ZNF644: variants seen among roughly 807,000 people sequenced by gnomAD.
ZNF644 encodes zinc finger motif enhancer binding protein 2.
In ZNF644, 20 loss-of-function variants were observed where a neutral mutation model predicts 108.0. The ratio of observed to expected loss-of-function variants is 0.19; its 90% confidence interval spans 0.13 to 0.27. The LOEUF is 0.27. Ranked by LOEUF, ZNF644 falls within the 10% of genes least tolerant of loss-of-function variation. ZNF644 has a pLI of 1.00. For missense variants in ZNF644, 1,338 were observed against 1,548.9 expected, an observed-to-expected ratio of 0.86 and a Z score of 2.29; for synonymous variants, 542 against 539.1, an observed-to-expected ratio of 1.01 and a Z score of -0.08.
intron 2 of ZNF644, among the ~76,000 whole-genome samples, chr1:90,942,618 T>C (rs1258042147): frequency 6.6e-6 from 1 of 152,158 alleles, no homozygotes; most frequent in Non-Finnish European, 1.5e-5. Context: ...AAGTAAAAGT[T>C]CCTAAAGTGT....
chr1:91,010,850 G>T lies in ZNF644; in HGVS notation c.-18+11140C>A, dbSNP rs188732393. Among the ~76,000 whole-genome samples the T allele has an allele frequency of 4.3e-3, 647 of 152,146 alleles. 7 individuals are homozygous for T. The highest frequency in any genetic ancestry group is 0.034 in the Middle Eastern group (10 of 294). On this transcript the variant is annotated intron_variant, in intron 1 of 5. Transcript: ENST00000337393. ...TAAATAAAAGTTATGAAAATTGGGGGAAATACAACCAGACAAACAAGACTT... is the reference window on the plus strand; with the variant it reads ...TAAATAAAAGTTATGAAAATTGGGGTAAATACAACCAGACAAACAAGACTT...
intron 2 of ZNF644, among the ~76,000 whole-genome samples, chr1:90,973,631 G>A (rs1655718260): frequency 6.6e-6 from 1 of 152,040 alleles, no homozygotes; most frequent in African/African-American, 2.4e-5. Flanking sequence ...TGTAGAAAGA[G>A]TAAACATCAT....
chr1:90,923,423 T>C (rs1279822334), intron 4 of ZNF644, among the ~76,000 whole-genome samples: 1 of 152,154 alleles, frequency 6.6e-6, no homozygotes, highest in African/African-American at 2.4e-5. Context: ...AGGACTCCCC[T>C]ACTCCTATCA....
intron 4 of ZNF644, among the ~76,000 whole-genome samples, chr1:90,929,502 T>C (rs1351129523): frequency 6.6e-6 from 1 of 152,210 alleles, no homozygotes; most frequent in African/African-American, 2.4e-5. Context: ...CTTACACTCT[T>C]TCAGTCTGAA....
At chr1:90,998,942 G>C (rs551148819) in intron 1 of ZNF644, among the ~76,000 whole-genome samples, 41 of 152,294 alleles carry the variant, frequency 2.7e-4, no homozygotes, top group African/African-American at 9.9e-4. Flanking sequence ...GGAAGAAAGG[G>C]TATCAGTGAC....
chr1:90,918,933 T>C (rs1649113023), intron 4 of ZNF644, among the ~76,000 whole-genome samples: 1 of 152,082 alleles, frequency 6.6e-6, no homozygotes, highest in South Asian at 2.1e-4. Context: ...ATATTTTTCA[T>C]TTTACATTTT....
intron 1 of ZNF644, among the ~76,000 whole-genome samples, chr1:91,006,593 C>T (rs1444313641): frequency 6.6e-6 from 1 of 152,134 alleles, no homozygotes. Flanking sequence ...AGAAAACTAC[C>T]AACAAATATC....
chr1:91,000,050 G>C (rs957830663), intron 1 of ZNF644, among the ~76,000 whole-genome samples: 1 of 152,166 alleles, frequency 6.6e-6, no homozygotes, highest in African/African-American at 2.4e-5. Context: ...AGTCCTTAGA[G>C]ACCTACAAAG....
chr1:90,981,209 T>TA (rs1656515459), intron 2 of ZNF644, among the ~76,000 whole-genome samples: 1 of 151,968 alleles, frequency 6.6e-6, no homozygotes, highest in African/African-American at 2.4e-5. Flanking sequence ...GCTACAGAAG[T>TA]AAATTATTAT....
chr1:90,979,082 T>C (rs542903067), intron 2 of ZNF644, among the ~76,000 whole-genome samples: 2 of 152,120 alleles, frequency 1.3e-5, no homozygotes, highest in African/African-American at 4.8e-5. Context: ...ATGATTACTA[T>C]AGCCAACCCA....
chr1:90,993,849 G>T (rs1470702258), intron 1 of ZNF644, among the ~76,000 whole-genome samples: 1 of 152,094 alleles, frequency 6.6e-6, no homozygotes, highest in Non-Finnish European at 1.5e-5. Flanking sequence ...AATTTTTCAG[G>T]ACACTCCAAA....
chr1:90,972,111 ACT>A lies in ZNF644; in HGVS notation c.44+10197_44+10198del, dbSNP rs1362228928. On this transcript the variant is annotated intron_variant, in intron 2 of 5. Transcript: ENST00000337393. ...ACTCCAGTGTGGGCGACACAATGAG[ACT>A]CTGTCTAAACAAACAAACAAACAAA... 3.3e-5 allele frequency among the ~76,000 whole-genome samples: 5 copies of A among 152,136 alleles called. No homozygotes were observed. The East Asian group carries it at 9.7e-4, about 30-fold the overall frequency.
At chr1:90,925,394 T>C (rs1339176178) in intron 4 of ZNF644, among the ~76,000 whole-genome samples, 1 of 152,148 alleles carries the variant, frequency 6.6e-6, no homozygotes, top group African/African-American at 2.4e-5. Context: ...AATTCACTTG[T>C]AACTGCTGCT....
intron 1 of ZNF644, among the ~76,000 whole-genome samples, chr1:90,984,121 AT>A (rs1656849257): frequency 6.6e-6 from 1 of 152,130 alleles, no homozygotes. Flanking sequence ...TGGCCCAATA[AT>A]ACTGATTTTG....
At chr1:90,959,960 G>C (rs998128431) in intron 2 of ZNF644, among the ~76,000 whole-genome samples, 1 of 152,124 alleles carries the variant, frequency 6.6e-6, no homozygotes, top group Non-Finnish European at 1.5e-5. Flanking sequence ...ATGACATCTT[G>C]CACCATCCCA....
At chr1:90,990,706 T>C (rs1399048850) in intron 1 of ZNF644, among the ~76,000 whole-genome samples, 6 of 152,138 alleles carry the variant, frequency 3.9e-5, no homozygotes, top group African/African-American at 1.4e-4. Context: ...GTGGAAACTA[T>C]CCAAGCAAGG....
At chr1:90,941,819 A>C (rs934926804) in intron 2 of ZNF644, among the ~76,000 whole-genome samples, 1 of 152,186 alleles carries the variant, frequency 6.6e-6, no homozygotes, top group Non-Finnish European at 1.5e-5. Context: ...CCTGAAGGTA[A>C]CAAAACACCA....
In ZNF644 at chr1:90,940,364, T is replaced by C; in HGVS notation, c.990A>G (p.Glu330=). The change falls in exon 3 of 6, where the codon GAA becomes GAG. Residue 330 remains glutamate (E), a synonymous_variant. Coordinates refer to ENST00000337393, the MANE Select transcript of ZNF644 (RefSeq NM_201269.3). The stretch of plus-strand genomic sequence containing the variant: ...TCTGTGAGTCTACTGCTTGTAGCTC[T>C]TCATTTTGTTCTAGAAAGTCTACTT... ...MQEVDFLEQN[E]ELQAVDSQKY... The C allele has an allele frequency of 6.2e-7, 1 of 1,613,780 alleles. No individual in the cohort carries two copies. The highest frequency in any genetic ancestry group is 8.5e-7 in the Non-Finnish European group (1 of 1,179,946).
At chr1:90,921,472 T>C (rs1189735230) in intron 4 of ZNF644, among the ~76,000 whole-genome samples, 1 of 152,038 alleles carries the variant, frequency 6.6e-6, no homozygotes, top group Non-Finnish European at 1.5e-5. Context: ...ATTTTAAATC[T>C]AACATTGTTT....
Sources: gnomAD v4.1 joint callset for allele counts (sites outside exome capture counted in the v4.1 genomes callset) on GRCh38, gnomAD v4.1.1 for gene constraint, MANE v1.5 for transcripts, NCBI Gene and HGNC (gene_info 2026-07-23, HGNC 2026-07-21) for gene names.